The following STK10 variants were observed in gnomAD, a reference collection of about 807,000 sequenced individuals.
The protein encoded by STK10 is serine/threonine-protein kinase 10.
A neutral mutation model predicts 113.8 loss-of-function variants in STK10; 78 were observed. That is an observed-to-expected ratio of 0.69 (90% CI 0.57 to 0.83). The LOEUF (loss-of-function observed/expected upper bound fraction) is 0.83, where lower values mean the gene tolerates loss of function less well. Ranked by LOEUF, STK10 falls within the 40% of genes least tolerant of loss-of-function variation. The pLI, the probability that STK10 is intolerant of heterozygous loss-of-function variation, is 0.00. For missense variants in STK10, 1,109 were observed against 1,280.1 expected (o/e 0.87, Z 2.04); for synonymous variants, 465 against 494.7 (o/e 0.94, Z 0.80).
At position 172,101,291 on chromosome 5, in the gene STK10, T is replaced by A. The variant is rs111886080; in HGVS notation, c.870+4365A>T. ...TTCAAGACCAGCCTGGCCAACATGG[T>A]GAAACCCCACCTCTACTAAAAACAC... On this transcript the variant is annotated intron_variant, in intron 7 of 18. Transcript: ENST00000176763. Among the ~76,000 whole-genome samples, 529 of 151,950 alleles carry A rather than the reference T, an allele frequency of 3.5e-3. 5 individuals are homozygous for A. Among genetic ancestry groups the A allele is most frequent in the African/African-American group, 0.012 (507 of 41,442 alleles).
intron 14 of STK10, among the ~76,000 whole-genome samples, chr5:172,059,634 C>T (rs539895486): frequency 1.5e-4 from 23 of 152,176 alleles, no homozygotes; most frequent in Non-Finnish European, 2.9e-4. Context: ...GAGCTCCCCA[C>T]GCTGGACGAC....
At chr5:172,052,259 G>A (rs898828133) in intron 18 of STK10, among the ~76,000 whole-genome samples, 1 of 152,156 alleles carries the variant, frequency 6.6e-6, no homozygotes, top group African/African-American at 2.4e-5. Flanking sequence ...GTGGCTTCTA[G>A]AAAATAACCC....
chr5:172,083,144 A>G, intron 10 of STK10, 60 bp from the exon 11 acceptor site: 1 of 1,606,778 alleles, frequency 6.2e-7, no homozygotes, highest in Non-Finnish European at 8.5e-7. Context: ...AGATCACAAT[A>G]TTTGCAACTT....
rs759870805 is a variant in STK10 at position 172,187,820 on chromosome 5, G to A, written c.156+67C>T. On this transcript the variant is annotated intron_variant, in intron 1 of 18. Coordinates refer to ENST00000176763, the MANE Select transcript of STK10 (RefSeq NM_005990.4). This position sits in a 1 kb window ranked among gnomAD's most constrained non-coding sequence, Gnocchi z 4.6. The stretch of plus-strand genomic sequence containing the variant: ...AGCCGGAGCCAGGCTGGCCGGGTCC[G>A]GCTCAGGCATCCCTTCCTTCCGGAG... 7.0e-6 allele frequency: 11 copies of A among 1,575,400 alleles called. No homozygotes were observed. Among genetic ancestry groups the A allele is most frequent in the Non-Finnish European group, 9.5e-6 (11 of 1,161,274 alleles).
intron 12 of STK10, among the ~76,000 whole-genome samples, chr5:172,075,904 G>A (rs1243162119): frequency 6.6e-6 from 1 of 152,186 alleles, no homozygotes; most frequent in Non-Finnish European, 1.5e-5. Context: ...AAATGATCCA[G>A]CTCTTTTTGG....
At chr5:172,053,729 A>C (rs4075705) in intron 17 of STK10, among the ~76,000 whole-genome samples, 59,699 of 152,098 alleles carry the variant, frequency 0.39, 11,778 homozygotes, top group Middle Eastern at 0.46. Flanking sequence ...GAAAAGTAGA[A>C]TCCTTTGGGA....
chr5:172,184,389 G>C (rs1192761500), intron 1 of STK10, among the ~76,000 whole-genome samples: 1 of 152,124 alleles, frequency 6.6e-6, no homozygotes, highest in Non-Finnish European at 1.5e-5. Context: ...GGTGACTAAG[G>C]AAAAAGTGTT....
intron 1 of STK10, among the ~76,000 whole-genome samples, chr5:172,178,803 G>A (rs1002525651): frequency 6.6e-6 from 1 of 152,146 alleles, no homozygotes; most frequent in Non-Finnish European, 1.5e-5. Context: ...AGGAACGCTC[G>A]TCTGCACAAG....
chr5:172,101,171 T>TA (rs1768981207), intron 7 of STK10, among the ~76,000 whole-genome samples: 1 of 152,130 alleles, frequency 6.6e-6, no homozygotes, highest in Non-Finnish European at 1.5e-5. Flanking sequence ...GTTTGTTAGG[T>TA]AAAAATAAGT....
chr5:172,056,345 C>G (rs1581132621), intron 15 of STK10, among the ~76,000 whole-genome samples: 1 of 152,164 alleles, frequency 6.6e-6, no homozygotes, highest in African/African-American at 2.4e-5. Flanking sequence ...CTGTCACTGT[C>G]CCACTATGGA....
chr5:172,079,008 C>G (rs1768374028), intron 12 of STK10, among the ~76,000 whole-genome samples: 1 of 151,882 alleles, frequency 6.6e-6, no homozygotes, highest in Admixed American at 6.6e-5. Flanking sequence ...GGGCGCAGAG[C>G]CAAGGAGGGA....
chr5:172,090,441 C>T (rs1768674465), intron 9 of STK10, 79 bp from the exon 10 acceptor site: 2 of 1,541,734 alleles, frequency 1.3e-6, no homozygotes. Flanking sequence ...GAGGCCACAG[C>T]TCTGCTGGGC....
At chr5:172,185,308 C>A (rs190623130) in intron 1 of STK10, among the ~76,000 whole-genome samples, 19 of 151,934 alleles carry the variant, frequency 1.3e-4, no homozygotes, top group African/African-American at 4.4e-4. Context: ...CTCGCTCTGT[C>A]GCCAGGCTGG....
chr5:172,069,284 T>A (rs1455461959), intron 12 of STK10, among the ~76,000 whole-genome samples: 2 of 152,022 alleles, frequency 1.3e-5, no homozygotes, highest in African/African-American at 4.8e-5. Flanking sequence ...CTATATGCTG[T>A]CAACAAGAAA....
At chr5:172,179,542 C>T (rs1240452066) in intron 1 of STK10, among the ~76,000 whole-genome samples, 1 of 152,172 alleles carries the variant, frequency 6.6e-6, no homozygotes, top group African/African-American at 2.4e-5. Flanking sequence ...CTTGCTTTCG[C>T]ATCAGCCAAA....
At chr5:172,148,844 C>T (rs2113808624) in intron 2 of STK10, among the ~76,000 whole-genome samples, 1 of 152,358 alleles carries the variant, frequency 6.6e-6, no homozygotes, top group Non-Finnish European at 1.5e-5. Flanking sequence ...CTCTCCACTC[C>T]ACCGTTCTAA....
intron 2 of STK10, among the ~76,000 whole-genome samples, chr5:172,128,295 C>T (rs1376659015): frequency 6.6e-6 from 1 of 150,588 alleles, no homozygotes; most frequent in Non-Finnish European, 1.5e-5. Flanking sequence ...CTTTCTGGCC[C>T]ACTCCGGGCT....
At chr5:172,155,469 G>A (rs1581182283) in intron 2 of STK10, among the ~76,000 whole-genome samples, 1 of 147,502 alleles carries the variant, frequency 6.8e-6, no homozygotes, top group South Asian at 2.1e-4. Flanking sequence ...CTGCACTCCA[G>A]CCTGGAAAAC....
chr5:172,054,474 T>C, intron 17 of STK10, 95 bp downstream of exon 17: 2 of 1,529,972 alleles, frequency 1.3e-6, no homozygotes, highest in Middle Eastern at 2.3e-4. Flanking sequence ...ATGAAGATCC[T>C]TCCCTGCTGT....
Sources: allele counts gnomAD v4.1 joint callset (sites outside exome capture counted in the v4.1 genomes callset), GRCh38; gene constraint gnomAD v4.1.1; non-coding constraint Gnocchi (gnomAD v3.1); transcripts MANE v1.5; gene names NCBI Gene and HGNC (gene_info 2026-07-23, HGNC 2026-07-21).